The following PDE1C variants were observed in gnomAD, a reference collection of about 807,000 sequenced individuals.
PDE1C encodes the protein phosphodiesterase 1C, also known as dual specificity calcium/calmodulin-dependent 3',5'-cyclic nucleotide phosphodiesterase 1C.
Under a neutral mutation model 93.1 loss-of-function variants are expected in PDE1C, and 62 were observed. The ratio of observed to expected loss-of-function variants is 0.67; its 90% CI spans 0.54 to 0.82. PDE1C has a LOEUF of 0.82. Ranked by LOEUF, PDE1C falls within the 40% of genes least tolerant of loss-of-function variation. The pLI is 0.00. For synonymous variants in PDE1C, 325 were observed against 310.1 expected (o/e 1.05, Z -0.50); for missense variants, 742 against 884.6 (o/e 0.84, Z 2.04).
chr7:32,084,504 A>G (rs1007188148), intron 3 of PDE1C, among the ~76,000 whole-genome samples: 4 of 149,846 alleles, frequency 2.7e-5, no homozygotes, highest in Non-Finnish European at 5.9e-5. Flanking sequence ...AAGCAGACCT[A>G]ATAGACATCT....
intron 7 of PDE1C, among the ~76,000 whole-genome samples, chr7:31,863,440 C>A (rs1000175491): frequency 6.6e-6 from 1 of 152,038 alleles, no homozygotes; most frequent in Admixed American, 6.6e-5. Flanking sequence ...CAGAAAAATG[C>A]CAAGTAGGAA....
intron 2 of PDE1C, among the ~76,000 whole-genome samples, chr7:32,195,806 CTTA>C (rs1804572440): frequency 6.6e-6 from 1 of 152,134 alleles, no homozygotes. Flanking sequence ...GGTGCACTAC[CTTA>C]TTATGCCAGA....
In PDE1C at chr7:32,201,332, G is replaced by A. The variant is rs114349925; in HGVS notation, c.136+8157C>T. Among the ~76,000 whole-genome samples, 654 of 152,270 alleles carry A rather than the reference G, an allele frequency of 4.3e-3. 4 individuals are homozygous for A. The highest frequency in any genetic ancestry group is 0.015 in the African/African-American group (626 of 41,552). On this transcript the variant is annotated intron_variant, in intron 2 of 18. Transcript: ENST00000396193. ...GAGGATAGAGGAGGAGGTGCTTGGAGTGCAACAGCCAAGTCACGTCTTCCT... is the reference window on the plus strand; with the variant it reads ...GAGGATAGAGGAGGAGGTGCTTGGAATGCAACAGCCAAGTCACGTCTTCCT...
chr7:31,648,224 T>C, the PDE1C span, among the ~76,000 whole-genome samples: 1 of 152,174 alleles, frequency 6.6e-6, no homozygotes, highest in African/African-American at 2.4e-5. Context: ...CTTTTGGTGA[T>C]GGTGCTCTTA....
chr7:31,916,464 G>A (rs1240241785), intron 2 of PDE1C, among the ~76,000 whole-genome samples: 1 of 152,174 alleles, frequency 6.6e-6, no homozygotes, highest in East Asian at 1.9e-4. Context: ...AAAGAGCCAG[G>A]AATGCAAGTC....
At chr7:31,749,253 GA>G (rs200795767), downstream of PDE1C, among the ~76,000 whole-genome samples, 2 of 150,666 alleles carry the variant, frequency 1.3e-5, no homozygotes, top group South Asian at 4.2e-4. Flanking sequence ...TAACTGAATG[GA>G]AAAAAAAATA....
intron 2 of PDE1C, among the ~76,000 whole-genome samples, chr7:32,038,538 C>T (rs925568926): frequency 6.6e-6 from 1 of 152,110 alleles, no homozygotes; most frequent in African/African-American, 2.4e-5. Flanking sequence ...CATTAGTAAG[C>T]CCCACCCTGA....
At chr7:31,629,755 C>A in the PDE1C span, among the ~76,000 whole-genome samples, 1 of 152,048 alleles carries the variant, frequency 6.6e-6, no homozygotes, top group African/African-American at 2.4e-5. Flanking sequence ...TTGCAACTCA[C>A]GAATTGTGTG....
At chr7:32,259,817 G>A (rs1225925997) in intron 1 of PDE1C, among the ~76,000 whole-genome samples, 3 of 152,080 alleles carry the variant, frequency 2.0e-5, no homozygotes, top group Admixed American at 2.0e-4. Flanking sequence ...ACCCCCACGA[G>A]CCCCTCCTGC....
chr7:32,335,011 C>T (rs1411074461), intron 1 of PDE1C, among the ~76,000 whole-genome samples: 2 of 152,136 alleles, frequency 1.3e-5, no homozygotes, highest in East Asian at 1.9e-4. Flanking sequence ...AATCTTTCTT[C>T]TCCTATCACT....
At chr7:32,290,067 G>T (rs1236293644) in intron 1 of PDE1C, among the ~76,000 whole-genome samples, 1 of 152,086 alleles carries the variant, frequency 6.6e-6, no homozygotes, top group Non-Finnish European at 1.5e-5. Flanking sequence ...GCCTGCCCAG[G>T]GTCCCCTGGG....
intron 9 of PDE1C, 98 bp from the exon 10 acceptor site, chr7:31,838,069 C>T (rs1022416316): frequency 2.7e-5 from 20 of 749,256 alleles, no homozygotes; most frequent in Middle Eastern, 3.1e-4. Context: ...AATCAGTCAA[C>T]GATTTCTGAC....
chr7:31,742,632 T>C, the PDE1C span, among the ~76,000 whole-genome samples: 1 of 152,150 alleles, frequency 6.6e-6, no homozygotes, highest in Non-Finnish European at 1.5e-5. Context: ...GCGTTCCACA[T>C]TCTCAAAGAT....
chr7:31,699,349 G>T, the PDE1C span, among the ~76,000 whole-genome samples: 13 of 152,144 alleles, frequency 8.5e-5, no homozygotes, highest in African/African-American at 2.9e-4. Context: ...AACAGAGAGG[G>T]GAGCAAGCTA....
At chr7:31,765,302 G>T (rs1795073940) in intron 17 of PDE1C, among the ~76,000 whole-genome samples, 1 of 152,074 alleles carries the variant, frequency 6.6e-6, no homozygotes, top group Admixed American at 6.6e-5. Flanking sequence ...CTCCCTCAAG[G>T]TGATGATCAT....
At chr7:32,307,275 T>C (rs1813028951) in intron 1 of PDE1C, among the ~76,000 whole-genome samples, 2 of 152,148 alleles carry the variant, frequency 1.3e-5, no homozygotes, top group Non-Finnish European at 2.9e-5. Flanking sequence ...AAGCTGGCTC[T>C]CATCTCATAG....
chr7:31,960,670 C>T (rs79495589), intron 2 of PDE1C, among the ~76,000 whole-genome samples: 15 of 152,144 alleles, frequency 9.9e-5, no homozygotes, highest in Middle Eastern at 3.4e-3. Context: ...AAAATATGAA[C>T]GATTAATAAA....
chr7:32,112,865 T>TATATATATATATATATAC (rs1276203872), intron 3 of PDE1C, among the ~76,000 whole-genome samples: 2 of 144,800 alleles, frequency 1.4e-5, no homozygotes, highest in African/African-American at 5.3e-5. Flanking sequence ...TATATATATA[T>TATATATATATATATATAC]ATATATATCT....
the PDE1C span, among the ~76,000 whole-genome samples, chr7:31,649,929 T>C: frequency 6.6e-6 from 1 of 152,172 alleles, no homozygotes; most frequent in African/African-American, 2.4e-5. Context: ...AGAGGTGATT[T>C]GGGCATTCTA....
Sources: allele counts gnomAD v4.1 joint callset (sites outside exome capture counted in the v4.1 genomes callset), GRCh38; gene constraint gnomAD v4.1.1; transcripts MANE v1.5; gene names NCBI Gene and HGNC (gene_info 2026-07-23, HGNC 2026-07-21).